The following ZNF398 variants were observed in gnomAD, a reference collection of about 807,000 sequenced individuals.
The protein encoded by ZNF398 is zinc finger protein 398, also known as zinc finger DNA binding protein ZER6.
ZNF398 carries 18 observed loss-of-function variants against 41.9 expected under a neutral mutation model. The ratio of observed to expected loss-of-function variants is 0.43; its 90% CI spans 0.30 to 0.64. ZNF398 has a LOEUF of 0.64. Ranked by LOEUF, ZNF398 falls within the 30% of genes least tolerant of loss-of-function variation. The pLI is 0.14. For synonymous variants in ZNF398, 260 were observed against 308.8 expected, an observed-to-expected ratio of 0.84 and a Z score of 1.66; for missense variants, 669 against 822.8, an observed-to-expected ratio of 0.81 and a Z score of 2.29.
rs1315038938 is a variant in ZNF398 at position 149,147,815 on chromosome 7, C to T, written c.24+49C>T. 1.5e-6 allele frequency: 2 copies of T among 1,344,672 alleles called. No individual in the cohort carries two copies. Among genetic ancestry groups the T allele is most frequent in the Non-Finnish European group, 1.9e-6 (2 of 1,045,946 alleles). The allele number at this position is 1,344,672 out of a possible 1,614,324, so 83.3% of individuals were successfully genotyped here. A position where few individuals can be genotyped will look rare whatever the true frequency, so the allele number is the denominator to read the frequency against. On this transcript the variant is annotated intron_variant, in intron 1 of 5. Transcript: ENST00000475153. The surrounding 1 kb of genome is among the most constrained non-coding windows in gnomAD (Gnocchi z 5.6). ...TTGTGAGCCCCCGAGACCCAGACCCCGAGGGAGGAAGGCGGGCGGGCAGGG... is the reference window on the plus strand; with the variant it reads ...TTGTGAGCCCCCGAGACCCAGACCCTGAGGGAGGAAGGCGGGCGGGCAGGG...
chr7:149,148,528 C>T (rs1442775682), intron 1 of ZNF398: 2 of 975,216 alleles, frequency 2.1e-6, no homozygotes, highest in Non-Finnish European at 2.4e-6. Context: ...TCAGGAGCCA[C>T]CCTGGCACAT....
intron 2 of ZNF398, among the ~76,000 whole-genome samples, chr7:149,163,062 C>T (rs918792259): frequency 2.0e-5 from 3 of 152,142 alleles, no homozygotes; most frequent in Non-Finnish European, 2.9e-5. Context: ...TAGAAAACGT[C>T]CTAAGAATAC....
At chr7:149,169,156 C>A (rs1286687369) in intron 4 of ZNF398, among the ~76,000 whole-genome samples, 1 of 152,178 alleles carries the variant, frequency 6.6e-6, no homozygotes, top group Admixed American at 6.6e-5. Context: ...TTGCTGTTAT[C>A]TTGTCAGTTT....
chr7:149,157,435 T>C (rs911377117), intron 2 of ZNF398, among the ~76,000 whole-genome samples: 1 of 150,744 alleles, frequency 6.6e-6, no homozygotes, highest in African/African-American at 2.5e-5. Flanking sequence ...CTCGGGAGGC[T>C]GAGGCAGGAG....
chr7:149,171,276 T>A (rs1026247325), intron 4 of ZNF398, among the ~76,000 whole-genome samples: 1 of 152,014 alleles, frequency 6.6e-6, no homozygotes, highest in African/African-American at 2.4e-5. Flanking sequence ...TTCTGACTTT[T>A]GTAATAACAC....
chr7:149,142,932 C>T (rs1356018275), upstream of ZNF398, among the ~76,000 whole-genome samples: 1 of 152,078 alleles, frequency 6.6e-6, no homozygotes, highest in Non-Finnish European at 1.5e-5. Flanking sequence ...TAGTTTGTTC[C>T]CATCTTCAGT....
chr7:149,153,868 T>G, intron 1 of ZNF398, 77 bp from the exon 2 acceptor site: 3 of 1,497,012 alleles, frequency 2.0e-6, no homozygotes, highest in Non-Finnish European at 2.7e-6. Context: ...AGTTAAGCAG[T>G]CCTTATCTGA....
intron 2 of ZNF398, among the ~76,000 whole-genome samples, chr7:149,130,420 T>C (rs1412679505): frequency 6.6e-6 from 1 of 152,346 alleles, no homozygotes; most frequent in East Asian, 1.9e-4. Flanking sequence ...GAATTCTGAA[T>C]AGAGCTGCTA....
intron 1 of ZNF398, among the ~76,000 whole-genome samples, chr7:149,148,891 T>TTTTTA (rs869265547): frequency 6.9e-6 from 1 of 145,194 alleles, no homozygotes; most frequent in Admixed American, 7.0e-5. Context: ...TTTTTTTTTT[T>TTTTTA]AGCTCATCAG....
At chr7:149,171,341 T>C (rs1380671767) in intron 4 of ZNF398, among the ~76,000 whole-genome samples, 2 of 152,020 alleles carry the variant, frequency 1.3e-5, no homozygotes, top group Non-Finnish European at 2.9e-5. Flanking sequence ...TTATACCCTT[T>C]TTCTATAACT....
At chr7:149,129,600 C>T (rs1826558651) in intron 2 of ZNF398, among the ~76,000 whole-genome samples, 2 of 151,802 alleles carry the variant, frequency 1.3e-5, no homozygotes, top group African/African-American at 4.8e-5. Context: ...GGCTGTTCTC[C>T]AACTCCTGAC....
At chr7:149,127,579 T>C (rs1826510956) in intron 1 of ZNF398, among the ~76,000 whole-genome samples, 2 of 141,260 alleles carry the variant, frequency 1.4e-5, no homozygotes, top group Non-Finnish European at 3.1e-5. Context: ...TAGCCGAGCG[T>C]TGTGGCGGGC....
chr7:149,151,294 A>G, intron 1 of ZNF398: 1 of 1,230,488 alleles, frequency 8.1e-7, no homozygotes. Flanking sequence ...TGAGGCAGAA[A>G]GACATGAGAG....
At chr7:149,152,566 CTTT>C (rs754663137) in intron 1 of ZNF398, among the ~76,000 whole-genome samples, 1 of 134,896 alleles carries the variant, frequency 7.4e-6, no homozygotes, top group Non-Finnish European at 1.6e-5. Context: ...GCCTAGATTT[CTTT>C]TTTTTTTTTT....
intron 2 of ZNF398, among the ~76,000 whole-genome samples, chr7:149,155,707 A>ATATTTTTTTTTTTTTTT (rs1794954712): frequency 1.4e-5 from 1 of 73,578 alleles, no homozygotes; most frequent in African/African-American, 6.8e-5. Context: ...ATATATATAT[A>ATATTTTTTTTTTTTTTT]TTTTTTTTTT....
chr7:149,141,689 C>CCAAG (rs1554460617), intron 2 of ZNF398, among the ~76,000 whole-genome samples: 1 of 151,956 alleles, frequency 6.6e-6, no homozygotes, highest in Admixed American at 6.6e-5. Context: ...CTCTTGACCT[C>CCAAG]GTGATCCACC....
At chr7:149,131,990 T>G (rs1008724556) in intron 2 of ZNF398, among the ~76,000 whole-genome samples, 1 of 152,186 alleles carries the variant, frequency 6.6e-6, no homozygotes, top group Non-Finnish European at 1.5e-5. Flanking sequence ...GTTTTGTTTA[T>G]AGTCAAATTT....
chr7:149,130,985 G>C (rs1585499309), intron 2 of ZNF398, among the ~76,000 whole-genome samples: 1 of 152,266 alleles, frequency 6.6e-6, no homozygotes, highest in Admixed American at 6.5e-5. Flanking sequence ...TGGGTGAGGG[G>C]TCTGACTTTC....
intron 1 of ZNF398, among the ~76,000 whole-genome samples, chr7:149,152,481 C>T (rs1213241479): frequency 6.6e-6 from 1 of 151,616 alleles, no homozygotes; most frequent in African/African-American, 2.4e-5. Flanking sequence ...AGGATGGTCT[C>T]GATCTCCTGA....
Sources: gnomAD v4.1 joint callset for allele counts (sites outside exome capture counted in the v4.1 genomes callset) on GRCh38, gnomAD v4.1.1 for gene constraint, Gnocchi (gnomAD v3.1) non-coding constraint, MANE v1.5 for transcripts, NCBI Gene and HGNC (gene_info 2026-07-23, HGNC 2026-07-21) for gene names.